The following ZSWIM5 variants were observed in gnomAD, a reference collection of about 807,000 sequenced individuals.
ZSWIM5 encodes the protein zinc finger SWIM domain-containing protein 5.
ZSWIM5 carries 55 observed loss-of-function variants against 119.6 expected under a neutral mutation model. The observed-to-expected ratio is 0.46, with a 90% CI of 0.37 to 0.58. The LOEUF (loss-of-function observed/expected upper bound fraction) is 0.58. ZSWIM5 is among the 20% of genes least tolerant of loss of function. The probability of loss-of-function intolerance (pLI) is 0.00; values close to 1 mark genes in which losing one functional copy is unlikely to be tolerated. For synonymous variants in ZSWIM5, 537 were observed against 606.9 expected (o/e 0.88, Z 1.69); for missense variants, 1,193 against 1,512.8 (o/e 0.79, Z 3.51).
At chr1:45,058,925 C>A (rs1645138170) in intron 3 of ZSWIM5, among the ~76,000 whole-genome samples, 166 bp from the exon 4 acceptor site, 1 of 152,104 alleles carries the variant, frequency 6.6e-6, no homozygotes, top group South Asian at 2.1e-4. Flanking sequence ...CTGCATGTAC[C>A]AAGAAAGCCT....
chr1:45,064,234 C>T (rs2149002000), intron 2 of ZSWIM5, among the ~76,000 whole-genome samples: 1 of 152,318 alleles, frequency 6.6e-6, no homozygotes, highest in African/African-American at 2.4e-5. Flanking sequence ...TAACATTCTA[C>T]ATAGTACTTT....
At chr1:45,055,581 G>A (rs544693582) in intron 4 of ZSWIM5, among the ~76,000 whole-genome samples, 72 of 152,326 alleles carry the variant, frequency 4.7e-4, no homozygotes, top group Non-Finnish European at 8.7e-4. Context: ...ACAGCCTGGA[G>A]CTCAGGGGAA....
intron 1 of ZSWIM5, among the ~76,000 whole-genome samples, chr1:45,094,604 T>C (rs1645388130): frequency 6.6e-6 from 1 of 152,070 alleles, no homozygotes; most frequent in African/African-American, 2.4e-5. Flanking sequence ...GGCTCATGCC[T>C]GTAATCCCAG....
At chr1:45,155,656 G>A (rs1645822695) in intron 1 of ZSWIM5, among the ~76,000 whole-genome samples, 1 of 152,056 alleles carries the variant, frequency 6.6e-6, no homozygotes, top group Non-Finnish European at 1.5e-5. Flanking sequence ...ATCAATGAGT[G>A]GATAAAGAAA....
At chr1:45,190,366 G>A (rs1440198328) in intron 1 of ZSWIM5, among the ~76,000 whole-genome samples, 4 of 152,008 alleles carry the variant, frequency 2.6e-5, no homozygotes. Flanking sequence ...AAACCACTTA[G>A]ACCACCAGAG....
At chr1:45,118,751 A>AG (rs1316049577) in intron 1 of ZSWIM5, among the ~76,000 whole-genome samples, 3 of 150,126 alleles carry the variant, frequency 2.0e-5, no homozygotes, top group East Asian at 1.9e-4. Context: ...AAAAAAAAAA[A>AG]AAAAGAAAAG....
chr1:45,039,092 A>C lies in ZSWIM5; in HGVS notation c.1757-19T>G. ...AACAGTTCTGGAAACAAGCAGGTTA[A>C]AATTTTAGACAGTGATAGAGACAAA... On this transcript the variant is annotated intron_variant, in intron 7 of 13. Transcript: ENST00000359600. 6.2e-7 allele frequency: 1 copy of C among 1,613,778 alleles called. No individual in the cohort carries two copies. The highest frequency in any genetic ancestry group is 8.5e-7 in the Non-Finnish European group (1 of 1,179,806).
chr1:45,173,008 A>T (rs1313769182), intron 1 of ZSWIM5, among the ~76,000 whole-genome samples: 3 of 151,834 alleles, frequency 2.0e-5, no homozygotes, highest in African/African-American at 4.8e-5. Flanking sequence ...TACAAAAAAT[A>T]AAAAAAATTA....
At chr1:45,075,452 T>C (rs2149006395) in intron 2 of ZSWIM5, among the ~76,000 whole-genome samples, 1 of 152,388 alleles carries the variant, frequency 6.6e-6, no homozygotes, top group South Asian at 2.1e-4. Context: ...TTTATCATTA[T>C]ATCATGACCT....
intron 1 of ZSWIM5, among the ~76,000 whole-genome samples, chr1:45,186,648 G>A (rs1025286842): frequency 4.0e-5 from 6 of 151,876 alleles, no homozygotes; most frequent in Non-Finnish European, 8.8e-5. Flanking sequence ...CTCTGTCACC[G>A]AGGCTAGAGT....
chr1:45,176,216 T>C (rs1177023027), intron 1 of ZSWIM5, among the ~76,000 whole-genome samples: 1 of 151,236 alleles, frequency 6.6e-6, no homozygotes, highest in Non-Finnish European at 1.5e-5. Flanking sequence ...CCAATTACAA[T>C]CCAAAACCCA....
At chr1:45,083,668 T>C (rs574449500) in intron 2 of ZSWIM5, among the ~76,000 whole-genome samples, 1 of 152,346 alleles carries the variant, frequency 6.6e-6, no homozygotes, top group South Asian at 2.1e-4. Flanking sequence ...CTGGTCTCAT[T>C]GCCTCTTTCA....
intron 1 of ZSWIM5, among the ~76,000 whole-genome samples, chr1:45,093,580 G>A (rs984072276): frequency 6.6e-6 from 1 of 152,212 alleles, no homozygotes; most frequent in African/African-American, 2.4e-5. Flanking sequence ...CCATCTGAAA[G>A]GCAGAAGGCT....
intron 1 of ZSWIM5, among the ~76,000 whole-genome samples, chr1:45,138,505 CAA>C (rs759005534): frequency 2.7e-4 from 15 of 54,918 alleles, no homozygotes; most frequent in Middle Eastern, 8.5e-3. Flanking sequence ...AACTCCATCT[CAA>C]AAAAAAAAAA....
At chr1:45,026,132 T>C (rs1184602452) in intron 11 of ZSWIM5, among the ~76,000 whole-genome samples, 3 of 152,198 alleles carry the variant, frequency 2.0e-5, no homozygotes, top group Non-Finnish European at 4.4e-5. Flanking sequence ...CTTCCCAGGC[T>C]GAAGTGATTC....
chr1:45,141,584 A>C (rs965227055), intron 1 of ZSWIM5, among the ~76,000 whole-genome samples: 4 of 152,218 alleles, frequency 2.6e-5, no homozygotes, highest in Non-Finnish European at 5.9e-5. Flanking sequence ...TACTAAAACA[A>C]CAACTATCAA....
At chr1:45,151,230 TA>T (rs1488613981) in intron 1 of ZSWIM5, among the ~76,000 whole-genome samples, 3 of 151,858 alleles carry the variant, frequency 2.0e-5, no homozygotes, top group Non-Finnish European at 4.4e-5. Context: ...TATATATACT[TA>T]AAAGTTATAT....
rs565691101 is a variant in ZSWIM5, at chr1:45,154,416, T to C, written c.595+51340A>G. On this transcript the variant is annotated intron_variant, in intron 1 of 13. Transcript: ENST00000359600. The stretch of plus-strand genomic sequence containing the variant: ...AGGCACAAAGACTAATGGAACAGAA[T>C]AGAGAACCCAGAAATAAACCCAAAT... Among the ~76,000 whole-genome samples, 8 of 152,226 alleles carry C rather than the reference T, an allele frequency of 5.3e-5. No individual in the cohort carries two copies. The East Asian group carries it at 9.7e-4, about 18-fold the overall frequency.
intron 1 of ZSWIM5, among the ~76,000 whole-genome samples, chr1:45,198,862 T>A (rs534904855): frequency 1.3e-5 from 2 of 152,242 alleles, no homozygotes; most frequent in Non-Finnish European, 2.9e-5. Context: ...ATGGAGTTTA[T>A]GTTGAGAAAT....
Sources: gnomAD v4.1 joint callset for allele counts (sites outside exome capture counted in the v4.1 genomes callset) on GRCh38, gnomAD v4.1.1 for gene constraint, MANE v1.5 for transcripts, NCBI Gene and HGNC (gene_info 2026-07-23, HGNC 2026-07-21) for gene names.